Variants in CCDC60 observed in about 807,000 individuals in gnomAD.
The protein encoded by CCDC60 is coiled-coil domain-containing protein 60.
In CCDC60, 54 loss-of-function variants were observed where a neutral mutation model predicts 63.5. The observed-to-expected ratio is 0.85, with a 90% CI of 0.68 to 1.07. The LOEUF (loss-of-function observed/expected upper bound fraction) is 1.07, where lower values mean the gene tolerates loss of function less well. Ranked by LOEUF, CCDC60 falls within the 50% of genes least tolerant of loss-of-function variation. CCDC60 has a pLI of 0.00. For missense variants in CCDC60, 651 were observed against 684.3 expected, an observed-to-expected ratio of 0.95 and a Z score of 0.54; for synonymous variants, 206 against 238.8, an observed-to-expected ratio of 0.86 and a Z score of 1.27.
In CCDC60 at chr12:119,335,186, G is replaced by C. The variant is rs144785025; in HGVS notation, c.10G>C (p.Val4Leu). 649 of 1,606,182 alleles carry C rather than the reference G, an allele frequency of 4.0e-4. 3 individuals carry two copies. The African/African-American group carries it at 8.1e-3, about 20-fold the overall frequency. MTK[V>L]PATKKLQSSP... ...CTGAAGGATTTTTAAGATGACCAAG[G>C]TTCCAGCCACCAAGAAGCTTCAGAG... The change falls in exon 1 of 14, where the codon GTT becomes CTT. Residue 4 changes from valine to leucine, a missense_variant. Val to Leu is a conservative substitution (Grantham distance 32). Transcript: ENST00000327554.
chr12:119,366,293 C>T (rs985172204), intron 1 of CCDC60, among the ~76,000 whole-genome samples: 1 of 152,198 alleles, frequency 6.6e-6, no homozygotes, highest in African/African-American at 2.4e-5. Context: ...ATACTAAGCT[C>T]CATTTTATGA....
chr12:119,539,380 T>G (rs527712314), intron 13 of CCDC60, among the ~76,000 whole-genome samples: 8 of 152,350 alleles, frequency 5.3e-5, no homozygotes, highest in African/African-American at 1.9e-4. Context: ...CTTTCAGAGA[T>G]GCCCTGCCCA....
At chr12:119,360,144 C>CGGCT (rs1263510348) in intron 1 of CCDC60, among the ~76,000 whole-genome samples, 2 of 149,544 alleles carry the variant, frequency 1.3e-5, no homozygotes, top group Admixed American at 6.6e-5. Context: ...CCGGACGGGG[C>CGGCT]GGCTGGCCGG....
At chr12:119,433,286 T>A (rs1264074954) in intron 2 of CCDC60, 7 of 642,560 alleles carry the variant, frequency 1.1e-5, no homozygotes, top group Non-Finnish European at 1.9e-5. Context: ...CAGGCAACAG[T>A]TGTTCTGCCA....
chr12:119,522,664 A>G (rs1170985489), intron 9 of CCDC60, among the ~76,000 whole-genome samples: 4 of 152,210 alleles, frequency 2.6e-5, no homozygotes, highest in Non-Finnish European at 5.9e-5. Context: ...TAGACACAGG[A>G]GAGTTCAGAT....
intron 8 of CCDC60, 63 bp from the exon 9 acceptor site, chr12:119,520,058 T>C: frequency 7.2e-7 from 1 of 1,396,436 alleles, no homozygotes; most frequent in Non-Finnish European, 1.0e-6. Context: ...CTCCCACATG[T>C]AGTTACTGCA....
At chr12:119,353,727 C>T (rs1314836186) in intron 1 of CCDC60, among the ~76,000 whole-genome samples, 1 of 151,398 alleles carries the variant, frequency 6.6e-6, no homozygotes, top group African/African-American at 2.4e-5. Context: ...CCTGCCTCAG[C>T]CTCCCAAGTA....
chr12:119,378,716 G>A (rs1264019090), intron 1 of CCDC60, among the ~76,000 whole-genome samples: 3 of 152,214 alleles, frequency 2.0e-5, no homozygotes. Flanking sequence ...ACAGTTGTAA[G>A]TGGATTGGTG....
At chr12:119,483,942 T>TC (rs1224215793) in intron 4 of CCDC60, among the ~76,000 whole-genome samples, 1 of 152,110 alleles carries the variant, frequency 6.6e-6, no homozygotes, top group Non-Finnish European at 1.5e-5. Flanking sequence ...GGGGACTTTT[T>TC]TTTTTTTTTA....
At chr12:119,489,137 A>G (rs148354697) in intron 5 of CCDC60, among the ~76,000 whole-genome samples, 20 of 152,284 alleles carry the variant, frequency 1.3e-4, no homozygotes, top group Non-Finnish European at 2.6e-4. Flanking sequence ...AGCCAGCCAC[A>G]TGGGAGTATT....
intron 2 of CCDC60, among the ~76,000 whole-genome samples, chr12:119,465,226 T>C (rs1270970534): frequency 6.6e-6 from 1 of 151,924 alleles, no homozygotes; most frequent in Non-Finnish European, 1.5e-5. Flanking sequence ...GGCGGGAGAA[T>C]GGCGTGGAAC....
chr12:119,371,320 G>A (rs974770319), intron 1 of CCDC60, among the ~76,000 whole-genome samples: 1 of 152,196 alleles, frequency 6.6e-6, no homozygotes, highest in African/African-American at 2.4e-5. Flanking sequence ...ATAGGAGAGA[G>A]GGGAGGAAGG....
At chr12:119,367,539 A>C (rs1955852933) in intron 1 of CCDC60, among the ~76,000 whole-genome samples, 1 of 152,194 alleles carries the variant, frequency 6.6e-6, no homozygotes. Flanking sequence ...TGAGTTATGG[A>C]GGTCTGAGTC....
intron 1 of CCDC60, among the ~76,000 whole-genome samples, chr12:119,344,558 T>C (rs535276201): frequency 1.3e-5 from 2 of 152,296 alleles, no homozygotes; most frequent in East Asian, 3.9e-4. Flanking sequence ...TTGGCCCCAT[T>C]ACTGTACTTT....
chr12:119,537,813 G>A (rs1953048410), intron 13 of CCDC60, among the ~76,000 whole-genome samples: 1 of 152,198 alleles, frequency 6.6e-6, no homozygotes, highest in African/African-American at 2.4e-5. Flanking sequence ...GCGCCCGCCT[G>A]TATGAGGTGT....
chr12:119,460,100 AGTTAAT>A (rs1303424192), intron 2 of CCDC60, among the ~76,000 whole-genome samples: 1 of 2,808 alleles, frequency 3.6e-4, no homozygotes, highest in Non-Finnish European at 5.2e-4. Context: ...AGGAGTGGTT[AGTTAAT>A]AGTTAATAGT....
chr12:119,469,876 C>A (rs1951023100), intron 2 of CCDC60, among the ~76,000 whole-genome samples: 1 of 152,178 alleles, frequency 6.6e-6, no homozygotes, highest in Non-Finnish European at 1.5e-5. Flanking sequence ...TAGCATATAA[C>A]AGAATGTTTT....
chr12:119,518,171 G>C (rs937349244), intron 8 of CCDC60, among the ~76,000 whole-genome samples: 1 of 152,106 alleles, frequency 6.6e-6, no homozygotes, highest in African/African-American at 2.4e-5. Context: ...CAGAGACAAT[G>C]CTGACCCATA....
rs1955454304 is a variant in CCDC60 at position 119,334,829 on chromosome 12, C to T, written c.-348C>T. ...CCATGGGACCCCTCTCACACTTTGT[C>T]ACTGGAATTTTATTTATTTTTTAGT... On this transcript the variant is annotated 5_prime_UTR_variant, in exon 1 of 14. Transcript: ENST00000327554. 6.0e-6 allele frequency: 1 copy of T among 166,052 alleles called. No individual in the cohort carries two copies. The highest frequency in any genetic ancestry group is 1.3e-5 in the Non-Finnish European group (1 of 77,526). 10.3% of individuals were successfully genotyped at this position (166,052 alleles called of 1,614,324 possible). A position where few individuals can be genotyped will look rare whatever the true frequency, so the allele number is the denominator to read the frequency against.
Sources: allele counts gnomAD v4.1 joint callset (sites outside exome capture counted in the v4.1 genomes callset), GRCh38; gene constraint gnomAD v4.1.1; transcripts MANE v1.5; gene names NCBI Gene and HGNC (gene_info 2026-07-23, HGNC 2026-07-21).